Variants in CRYBG1 observed in about 807,000 individuals in gnomAD.
CRYBG1 encodes the protein beta/gamma crystallin domain-containing protein 1.
CRYBG1 carries 139 observed loss-of-function variants against 189.2 expected under a neutral mutation model. That is an observed-to-expected ratio of 0.73 (90% CI 0.64 to 0.85). The LOEUF is 0.85. CRYBG1 is among the 40% of genes least tolerant of loss of function. The pLI is 0.00. For missense variants in CRYBG1, 2,611 were observed against 2,675.8 expected, an observed-to-expected ratio of 0.98 and a Z score of 0.53; for synonymous variants, 1,023 against 1,017.1, an observed-to-expected ratio of 1.01 and a Z score of -0.11.
intron 19 of CRYBG1, 132 bp downstream of exon 19, chr6:106,561,058 C>A: frequency 9.4e-7 from 1 of 1,059,212 alleles, no homozygotes; most frequent in Non-Finnish European, 1.3e-6. Flanking sequence ...CTTCCCTGCC[C>A]CAATAATCTG....
At chr6:106,471,135 G>A (rs1199446510) in intron 2 of CRYBG1, among the ~76,000 whole-genome samples, 3 of 152,216 alleles carry the variant, frequency 2.0e-5, no homozygotes, top group Non-Finnish European at 2.9e-5. Flanking sequence ...GGAGCTCAAT[G>A]AGGAGGATGG....
At chr6:106,556,300 T>C (rs1774544171) in intron 17 of CRYBG1, among the ~76,000 whole-genome samples, 1 of 152,242 alleles carries the variant, frequency 6.6e-6, no homozygotes, top group Admixed American at 6.5e-5. Flanking sequence ...CTTGATAGAA[T>C]GAGCAGAAAG....
At chr6:106,398,427 GA>G (rs1770653928) in intron 1 of CRYBG1, among the ~76,000 whole-genome samples, 1 of 152,118 alleles carries the variant, frequency 6.6e-6, no homozygotes, top group Non-Finnish European at 1.5e-5. Context: ...CTGGATGACA[GA>G]GCCAGACCTT....
At chr6:106,391,859 G>A (rs1449408519) in intron 1 of CRYBG1, among the ~76,000 whole-genome samples, 3 of 151,952 alleles carry the variant, frequency 2.0e-5, no homozygotes, top group African/African-American at 7.3e-5. Flanking sequence ...CCAAATTCTT[G>A]TCATTAGAGG....
At chr6:106,549,584 A>T (rs1774351191) in intron 13 of CRYBG1, among the ~76,000 whole-genome samples, 1 of 152,080 alleles carries the variant, frequency 6.6e-6, no homozygotes, top group Non-Finnish European at 1.5e-5. Flanking sequence ...ACTAAAAAAA[A>T]TAAAAAATAA....
chr6:106,427,742 T>G lies in CRYBG1; in HGVS notation c.174-23952T>G, dbSNP rs145384420. On this transcript the variant is annotated intron_variant, in intron 1 of 21. Transcript: ENST00000633556. ...GAAAAACCTAAATGTGATGGTGTTT[T>G]CCCCCTGCTCAAAACCCTTCAGTGC... Among the ~76,000 whole-genome samples the G allele has an allele frequency of 2.0e-3, 301 of 152,276 alleles. 1 individual carries two copies. The highest frequency in any genetic ancestry group is 6.9e-3 in the African/African-American group (288 of 41,546).
chr6:106,445,937 G>T (rs919104561), intron 1 of CRYBG1, among the ~76,000 whole-genome samples: 1 of 152,172 alleles, frequency 6.6e-6, no homozygotes, highest in Non-Finnish European at 1.5e-5. Context: ...GATTTACATG[G>T]CTCTATCCTC....
chr6:106,464,624 G>A (rs1044410694), intron 2 of CRYBG1, among the ~76,000 whole-genome samples: 3 of 152,084 alleles, frequency 2.0e-5, no homozygotes, highest in Admixed American at 1.3e-4. Context: ...TAGAAAATGA[G>A]AGAATTAGGG....
In CRYBG1 at chr6:106,409,002, A is replaced by G. The variant is rs184849027; in HGVS notation, c.174-42692A>G. 9.9e-3 allele frequency among the ~76,000 whole-genome samples: 1,512 copies of G among 152,298 alleles called. 9 individuals carry two copies. The highest frequency in any genetic ancestry group is 0.014 in the Non-Finnish European group (959 of 68,026). ...CTCTGCCACCACTCCTATTCAACAT[A>G]GTGTTGGAAGTTCTGGCCAGGGTAA... is the stretch of plus-strand genomic sequence containing the variant. On this transcript the variant is annotated intron_variant, in intron 1 of 21. Transcript: ENST00000633556.
intron 2 of CRYBG1, among the ~76,000 whole-genome samples, chr6:106,460,449 A>G (rs562090061): frequency 3.8e-4 from 58 of 152,106 alleles, no homozygotes; most frequent in Admixed American, 5.9e-4. Flanking sequence ...TCAAAATTAT[A>G]TTTTTATATG....
intron 1 of CRYBG1, among the ~76,000 whole-genome samples, chr6:106,450,924 G>A (rs9400006): frequency 0.34 from 50,934 of 151,976 alleles, 9,351 homozygotes; most frequent in African/African-American, 0.5. Context: ...GGTAACATAA[G>A]CAAGACAGTT....
chr6:106,551,103 T>G (rs572233038), intron 13 of CRYBG1, among the ~76,000 whole-genome samples: 1 of 152,264 alleles, frequency 6.6e-6, no homozygotes, highest in East Asian at 1.9e-4. Flanking sequence ...GAGCATAGCA[T>G]GCAACAGGTA....
intron 1 of CRYBG1, among the ~76,000 whole-genome samples, chr6:106,406,781 CA>C (rs745943865): frequency 6.6e-6 from 1 of 152,182 alleles, no homozygotes; most frequent in Non-Finnish European, 1.5e-5. Context: ...CATATCCAGC[CA>C]AACTAAGCTT....
chr6:106,558,293 A>T, intron 17 of CRYBG1, among the ~76,000 whole-genome samples, 193 bp from the exon 18 acceptor site: 1 of 152,108 alleles, frequency 6.6e-6, no homozygotes, highest in East Asian at 1.9e-4. Flanking sequence ...GCAATGGAGA[A>T]ACTAACTGCC....
rs752489351 is a variant in CRYBG1 at position 106,511,833 on chromosome 6, A to G, written c.716A>G (p.Glu239Gly). The G allele has an allele frequency of 8.4e-4, 1,281 of 1,516,174 alleles. 1 individual carries two copies. Among genetic ancestry groups the G allele is most frequent in the Non-Finnish European group, 1.1e-3 (1,218 of 1,134,466 alleles). The allele number at this position is 1,516,174 out of a possible 1,614,324, so 93.9% of individuals were successfully genotyped here. A position where few individuals can be genotyped will look rare whatever the true frequency, so the allele number is the denominator to read the frequency against. The change falls in exon 3 of 22, where the codon GAG becomes GGG. Residue 239 changes from glutamate (E) to glycine (G), a missense_variant. Physicochemically the swap from Glu to Gly is moderately conservative, Grantham distance 98. Transcript: ENST00000633556. Reference sequence around the variant, plus strand: ...GATTCACCCCAATTAGAACCTCTGGAGGCAGAGGGAGAGCCTTTCCCAGAT... The same window carrying G: ...GATTCACCCCAATTAGAACCTCTGGGGGCAGAGGGAGAGCCTTTCCCAGAT... ...ENDSPQLEPLEAEGEPFPDAT... is the reference protein window; with the variant it reads ...ENDSPQLEPLGAEGEPFPDAT...
chr6:106,549,898 G>A (rs1420209298), intron 13 of CRYBG1, among the ~76,000 whole-genome samples: 3 of 152,288 alleles, frequency 2.0e-5, no homozygotes, highest in South Asian at 4.1e-4. Context: ...TATAAAGTGT[G>A]TGGACTGTTT....
At chr6:106,397,620 G>A (rs1770639057) in intron 1 of CRYBG1, among the ~76,000 whole-genome samples, 1 of 152,190 alleles carries the variant, frequency 6.6e-6, no homozygotes, top group South Asian at 2.1e-4. Flanking sequence ...GGAACACAGA[G>A]TTCAGTAGTC....
At chr6:106,490,293 G>C (rs1772691680) in intron 2 of CRYBG1, among the ~76,000 whole-genome samples, 1 of 152,326 alleles carries the variant, frequency 6.6e-6, no homozygotes, top group Non-Finnish European at 1.5e-5. Flanking sequence ...TTTAAGCCAG[G>C]CTTGCCTGGC....
intron 2 of CRYBG1, among the ~76,000 whole-genome samples, chr6:106,470,357 C>T (rs1173203104): frequency 1.3e-5 from 2 of 152,016 alleles, no homozygotes; most frequent in Non-Finnish European, 2.9e-5. Flanking sequence ...CCTCAGCCTA[C>T]CATTCCTTCA....
Sources: allele counts gnomAD v4.1 joint callset (sites outside exome capture counted in the v4.1 genomes callset), GRCh38; gene constraint gnomAD v4.1.1; transcripts MANE v1.5; gene names NCBI Gene and HGNC (gene_info 2026-07-23, HGNC 2026-07-21).